Variants in EVL observed in about 807,000 individuals in gnomAD.
EVL encodes ena/VASP-like protein.
In EVL, 21 loss-of-function variants were observed where a neutral mutation model predicts 59.6. The observed-to-expected ratio is 0.35, with a 90% CI of 0.25 to 0.51. The LOEUF (loss-of-function observed/expected upper bound fraction) is 0.51, where lower values mean the gene tolerates loss of function less well. EVL is among the 20% of genes least tolerant of loss of function. EVL has a pLI of 0.97. For synonymous variants in EVL, 198 were observed against 203.5 expected, an observed-to-expected ratio of 0.97 and a Z score of 0.23; for missense variants, 462 against 546.6, an observed-to-expected ratio of 0.85 and a Z score of 1.54.
intron 2 of EVL, among the ~76,000 whole-genome samples, chr14:100,089,909 G>A (rs781039275): frequency 6.6e-6 from 1 of 151,984 alleles, no homozygotes; most frequent in Non-Finnish European, 1.5e-5. Context: ...CTCCAGCCTG[G>A]ACAACAAAGT....
intron 2 of EVL, among the ~76,000 whole-genome samples, 196 bp from the exon 3 acceptor site, chr14:100,097,285 G>T (rs1595171782): frequency 1.3e-5 from 2 of 152,144 alleles, no homozygotes; most frequent in African/African-American, 2.4e-5. Context: ...TTAAAGGAAA[G>T]AACAGGTTTT....
intron 1 of EVL, among the ~76,000 whole-genome samples, chr14:99,990,309 T>G (rs868830190): frequency 6.6e-6 from 1 of 152,216 alleles, no homozygotes; most frequent in Non-Finnish European, 1.5e-5. Flanking sequence ...CAATAAGTTA[T>G]TTATTTCCAG....
chr14:100,091,108 G>C (rs900816748), intron 2 of EVL, among the ~76,000 whole-genome samples: 2 of 152,176 alleles, frequency 1.3e-5, no homozygotes, highest in Non-Finnish European at 2.9e-5. Context: ...GTAGCTCCCA[G>C]AGCCCTTATT....
chr14:100,134,043 T>C (rs1028703860), intron 8 of EVL, among the ~76,000 whole-genome samples: 7 of 152,226 alleles, frequency 4.6e-5, no homozygotes, highest in African/African-American at 1.7e-4. Context: ...CGAGGCCCTC[T>C]GCACAGGCAC....
At position 99,972,906 on chromosome 14, in the gene EVL, A is replaced by G. The variant is rs2060744878; in HGVS notation, c.5+849A>G. Among the ~76,000 whole-genome samples, 3 of 152,110 alleles carry G rather than the reference A, an allele frequency of 2.0e-5. No individual in the cohort carries two copies. The highest frequency in any genetic ancestry group is 7.2e-5 in the African/African-American group (3 of 41,406). On this transcript the variant is annotated intron_variant, in intron 1 of 13. Coordinates refer to the EVL transcript ENST00000402714. The surrounding 1 kb of genome is among the most constrained non-coding windows in gnomAD (Gnocchi z 4.4). ...TGCCTGTTTTGTATTATTTATGACAATGAAATAATACAGTATTCTTTTGTG... is the reference window on the plus strand; with the variant it reads ...TGCCTGTTTTGTATTATTTATGACAGTGAAATAATACAGTATTCTTTTGTG...
chr14:100,021,976 A>G (rs1257984689), intron 1 of EVL, among the ~76,000 whole-genome samples: 1 of 152,086 alleles, frequency 6.6e-6, no homozygotes, highest in African/African-American at 2.4e-5. Flanking sequence ...TTGGTTTTAT[A>G]ATCTCGGTGC....
intron 1 of EVL, among the ~76,000 whole-genome samples, chr14:100,066,191 T>C (rs1223823284): frequency 2.0e-5 from 3 of 152,256 alleles, no homozygotes; most frequent in African/African-American, 7.2e-5. Flanking sequence ...ATTTGTTTGA[T>C]TGACTCATGA....
chr14:99,979,615 A>G (rs1194545737), intron 1 of EVL, among the ~76,000 whole-genome samples: 7 of 152,028 alleles, frequency 4.6e-5, no homozygotes, highest in African/African-American at 1.5e-4. Flanking sequence ...CACGCCTGTA[A>G]TCCCAGCACT....
intron 3 of EVL, among the ~76,000 whole-genome samples, chr14:100,119,124 C>T (rs937165239): frequency 6.6e-6 from 1 of 152,248 alleles, no homozygotes; most frequent in Non-Finnish European, 1.5e-5. Context: ...CCCAGCCACC[C>T]TGCTCTTGTT....
At chr14:100,125,218 A>T (rs1887988474) in intron 4 of EVL, among the ~76,000 whole-genome samples, 1 of 147,584 alleles carries the variant, frequency 6.8e-6, no homozygotes, top group Admixed American at 6.7e-5. Context: ...GGGATCACAC[A>T]CACAGACACA....
rs573877293 is a variant in EVL, at chr14:99,988,578, C to T, written c.5+16521C>T. 5.8e-4 allele frequency among the ~76,000 whole-genome samples: 89 copies of T among 152,216 alleles called. 1 individual carries two copies. The South Asian group carries it at 9.5e-3, about 16-fold the overall frequency. On this transcript the variant is annotated intron_variant, in intron 1 of 13. Coordinates refer to the EVL transcript ENST00000402714. ...TACCCTATGACCTATCAGTTCCACT[C>T]GTAGGCAGATAGCCAAGAGAAATTA... is the stretch of plus-strand genomic sequence containing the variant.
At chr14:100,129,502 GT>G in intron 6 of EVL, 60 bp from the exon 7 acceptor site, 1 of 1,604,480 alleles carries the variant, frequency 6.2e-7, no homozygotes, top group Non-Finnish European at 8.5e-7. Flanking sequence ...CCCTCACATC[GT>G]TGCTGCTCCT....
intron 1 of EVL, among the ~76,000 whole-genome samples, chr14:100,006,283 CTTTTTTTTTTTTTT>C (rs1195149750): frequency 7.6e-6 from 1 of 132,182 alleles, no homozygotes. Context: ...GGTTGTTAAT[CTTTTTTTTTTTTTT>C]TTTTTGAGAC....
chr14:99,986,290 CAAAA>C lies in EVL; in HGVS notation c.5+14252_5+14255del, dbSNP rs3072366. Among the ~76,000 whole-genome samples, 680 of 78,420 alleles carry C rather than the reference CAAAA, an allele frequency of 8.7e-3. 2 individuals carry two copies. Among genetic ancestry groups the C allele is most frequent in the African/African-American group, 0.029 (628 of 21,290 alleles). 51.4% of individuals were successfully genotyped at this position (78,420 alleles called of 152,430 possible). A position where few individuals can be genotyped will look rare whatever the true frequency, so the allele number is the denominator to read the frequency against. On this transcript the variant is annotated intron_variant, in intron 1 of 13. Coordinates refer to the EVL transcript ENST00000402714. ...CTGGGTGACAGAGTGGACTCTGTCTCAAAAAAAAAAAAAAAAAAAAAATCAAATG... is the reference window on the plus strand; with the variant it reads ...CTGGGTGACAGAGTGGACTCTGTCTCAAAAAAAAAAAAAAAAAATCAAATG...
intron 1 of EVL, among the ~76,000 whole-genome samples, chr14:99,994,069 A>G (rs1449658301): frequency 7.1e-6 from 1 of 140,500 alleles, no homozygotes; most frequent in Admixed American, 7.2e-5. Context: ...AGTTGTATCC[A>G]GTTTGGAATT....
intron 8 of EVL, 34 bp from the exon 9 acceptor site, chr14:100,135,871 C>T (rs1888749343): frequency 6.2e-7 from 1 of 1,611,516 alleles, no homozygotes; most frequent in Admixed American, 1.7e-5. Flanking sequence ...CCCAGGTGGC[C>T]TTCCTAAACA....
chr14:100,014,166 GA>G (rs1314734490), intron 1 of EVL, among the ~76,000 whole-genome samples: 3 of 152,058 alleles, frequency 2.0e-5, no homozygotes, highest in Non-Finnish European at 4.4e-5. Context: ...GATAAAATAT[GA>G]TCAGTCCCCT....
chr14:100,050,959 G>C (rs74460077), intron 1 of EVL, among the ~76,000 whole-genome samples: 18 of 149,350 alleles, frequency 1.2e-4, no homozygotes, highest in African/African-American at 4.2e-4. Context: ...TGTTGCCCAG[G>C]CTGGTCTCGA....
At chr14:100,066,842 C>A (rs1336833845) in intron 1 of EVL, among the ~76,000 whole-genome samples, 1 of 152,206 alleles carries the variant, frequency 6.6e-6, no homozygotes, top group Non-Finnish European at 1.5e-5. Context: ...AGGTGATCTA[C>A]AGTAGATAAG....
Sources: allele counts gnomAD v4.1 joint callset (sites outside exome capture counted in the v4.1 genomes callset), GRCh38; gene constraint gnomAD v4.1.1; non-coding constraint Gnocchi (gnomAD v3.1); transcripts MANE v1.5; gene names NCBI Gene and HGNC (gene_info 2026-07-23, HGNC 2026-07-21).